ARMC10: variants seen among roughly 807,000 people sequenced by gnomAD.
The protein encoded by ARMC10 is armadillo repeat-containing protein 10.
In ARMC10, 23 loss-of-function variants were observed where a neutral mutation model predicts 30.2. The observed-to-expected ratio is 0.76, with a 90% confidence interval of 0.55 to 1.08. The LOEUF (loss-of-function observed/expected upper bound fraction) is 1.08, where lower values mean the gene tolerates loss of function less well. Among genes scored for constraint, ARMC10 ranks in the 50% least tolerant of loss-of-function variants. The probability of loss-of-function intolerance (pLI) is 0.00; values close to 1 mark genes in which losing one functional copy is unlikely to be tolerated. For missense variants in ARMC10, 303 were observed against 413.7 expected, an observed-to-expected ratio of 0.73 and a Z score of 2.32; for synonymous variants, 111 against 164.4, an observed-to-expected ratio of 0.68 and a Z score of 2.48.
chr7:103,087,895 C>A (rs923868830), intron 4 of ARMC10: 4 of 501,950 alleles, frequency 8.0e-6, no homozygotes, highest in Admixed American at 6.4e-5. Flanking sequence ...CAAAAGCAGA[C>A]CATTCTTAAT....
At chr7:103,079,196 CAG>C (rs1263403937) in intron 2 of ARMC10, among the ~76,000 whole-genome samples, 3 of 151,808 alleles carry the variant, frequency 2.0e-5, no homozygotes, top group African/African-American at 4.8e-5. Flanking sequence ...TCAAATCTAT[CAG>C]GGGATTAAAG....
intron 4 of ARMC10, 56 bp from the exon 5 acceptor site, chr7:103,092,421 T>G: frequency 7.4e-5 from 103 of 1,396,114 alleles, no homozygotes; most frequent in Non-Finnish European, 9.8e-7. Flanking sequence ...AAAGTGGCTG[T>G]TCAGTAGAAA....
intron 3 of ARMC10, 46 bp from the exon 4 acceptor site, chr7:103,086,584 A>G (rs752252428): frequency 1.3e-6 from 2 of 1,559,982 alleles, no homozygotes; most frequent in East Asian, 4.6e-5. Context: ...ACGGAGATGC[A>G]TACTGAAGTC....
chr7:103,083,784 G>A lies in ARMC10; in HGVS notation c.347G>A (p.Arg116Lys). Residue 116 changes from arginine to lysine, a missense_variant, in exon 3 of 7, where the codon AGA becomes AAA. Transcript: ENST00000323716. ...ACGGAGGATCCTGTAATTATTGAAA[G>A]AGCTTTGATTACTTTGGGTAACAAT... Reference protein sequence around the residue: ...ESTEDPVIIERALITLGNNAA... With the variant: ...ESTEDPVIIEKALITLGNNAA... 4 of 1,614,102 alleles carry A rather than the reference G, an allele frequency of 2.5e-6. No homozygotes were observed. Among genetic ancestry groups the A allele is most frequent in the Non-Finnish European group, 2.5e-6 (3 of 1,179,994 alleles).
chr7:103,087,750 T>G, intron 4 of ARMC10: 1 of 983,622 alleles, frequency 1.0e-6, no homozygotes, highest in Non-Finnish European at 1.2e-6. Flanking sequence ...TGTATTTAGT[T>G]TAGATAAAGA....
At position 103,097,264 on chromosome 7, in the gene ARMC10, C is replaced by T. The variant is rs2129524664; in HGVS notation, c.706-13C>T. On this transcript the variant is annotated splice_polypyrimidine_tract_variant and intron_variant, in intron 5 of 6. Transcript: ENST00000323716. ...TTGCCAGTCTGAGATAAGCCAGTAT[C>T]ATCTTCTTTCAGGTGCAAGTTTTGA... is the stretch of plus-strand genomic sequence containing the variant. 6.2e-7 allele frequency: 1 copy of T among 1,609,938 alleles called. No individual in the cohort carries two copies. Among genetic ancestry groups the T allele is most frequent in the Non-Finnish European group, 8.5e-7 (1 of 1,176,276 alleles).
rs141306831 is a variant in ARMC10, at chr7:103,077,150, C to T, written c.244+1269C>T. On this transcript the variant is annotated intron_variant, in intron 2 of 6. Transcript: ENST00000323716. ...AAGCAGTGCTCCTGCCTCAGCATCC[C>T]GAAGTGCTGGAATTACAGGATTGAG... Among the ~76,000 whole-genome samples, 746 of 152,232 alleles carry T rather than the reference C, an allele frequency of 4.9e-3. 6 individuals are homozygous for T. The highest frequency in any genetic ancestry group is 0.017 in the African/African-American group (700 of 41,532).
chr7:103,098,668 A>C lies in ARMC10; in HGVS notation c.*115A>C. 1 of 1,473,666 alleles carries C rather than the reference A, an allele frequency of 6.8e-7. No individual in the cohort carries two copies. The highest frequency in any genetic ancestry group is 9.0e-7 in the Non-Finnish European group (1 of 1,109,264). The allele number at this position is 1,473,666 out of a possible 1,614,324, so 91.3% of individuals were successfully genotyped here. ...TAAACAGTAAATATCACATTTTGTC[A>C]TTAACACAGCTATAACTTGCCGTGG... is the stretch of plus-strand genomic sequence containing the variant. On this transcript the variant is annotated 3_prime_UTR_variant, in exon 7 of 7. Coordinates refer to ENST00000323716, the MANE Select transcript of ARMC10 (RefSeq NM_031905.5).
chr7:103,085,151 T>C (rs1485387179), intron 3 of ARMC10, among the ~76,000 whole-genome samples: 1 of 34,684 alleles, frequency 2.9e-5, no homozygotes, highest in African/African-American at 3.7e-5. Flanking sequence ...TAAAATAAGT[T>C]GTAGTCAGAG....
chr7:103,081,992 A>C, intron 2 of ARMC10: 1 of 450,388 alleles, frequency 2.2e-6, no homozygotes, highest in South Asian at 1.6e-5. Flanking sequence ...CAGATCCTTG[A>C]ACAATCCTGG....
chr7:103,097,433 A>C, intron 6 of ARMC10, 85 bp downstream of exon 6: 1 of 1,013,902 alleles, frequency 9.9e-7, no homozygotes, highest in Admixed American at 1.9e-5. Context: ...TAAGCCTAAA[A>C]TGTTAACAGG....
At position 103,092,734 on chromosome 7, in the gene ARMC10, A is replaced by G. The variant is rs1585778342; in HGVS notation, c.705+81A>G. On this transcript the variant is annotated intron_variant, in intron 5 of 6. Transcript: ENST00000323716. The stretch of plus-strand genomic sequence containing the variant: ...CCTATCTTAAGTTGATGTGCCTCAA[A>G]GAGGAAGATTTATTAAAAACTCACA... 5 of 1,047,078 alleles carry G rather than the reference A, an allele frequency of 4.8e-6. No homozygotes were observed. The African/African-American group carries it at 8.1e-5, about 17-fold the overall frequency. The allele number at this position is 1,047,078 out of a possible 1,614,324, so 64.9% of individuals were successfully genotyped here. A position where few individuals can be genotyped will look rare whatever the true frequency, so the allele number is the denominator to read the frequency against.
intron 3 of ARMC10, among the ~76,000 whole-genome samples, chr7:103,084,273 C>T (rs969496115): frequency 6.6e-6 from 1 of 152,218 alleles, no homozygotes; most frequent in African/African-American, 2.4e-5. Flanking sequence ...CAAATGGAGA[C>T]TTAACACTAA....
chr7:103,083,620 T>G (rs1215328787), intron 2 of ARMC10, 62 bp from the exon 3 acceptor site: 1 of 1,454,126 alleles, frequency 6.9e-7, no homozygotes, highest in Non-Finnish European at 9.5e-7. Context: ...AGTGAGAGCC[T>G]GTTTCAAAAA....
Position 103,075,250 on chromosome 7 carries a change from T to G in ARMC10, c.-23T>G, listed in dbSNP as rs1469219356. On this transcript the variant is annotated 5_prime_UTR_variant, in exon 1 of 7. Coordinates refer to ENST00000323716, the MANE Select transcript of ARMC10 (RefSeq NM_031905.5). ...CGAGCCTCCTGCCCTGGCCCGGCGC[T>G]GCGGCTCTGCCGCGGCGGCAGCATG... The G allele has an allele frequency of 3.4e-6, 4 of 1,177,068 alleles. No homozygotes were observed. Among genetic ancestry groups the G allele is most frequent in the African/African-American group, 1.6e-5 (1 of 62,176 alleles). The allele number at this position is 1,177,068 out of a possible 1,614,324, so 72.9% of individuals were successfully genotyped here.
chr7:103,081,310 A>C (rs1800357705), intron 2 of ARMC10, among the ~76,000 whole-genome samples: 1 of 152,220 alleles, frequency 6.6e-6, no homozygotes, highest in South Asian at 2.1e-4. Context: ...TAGTGATTTA[A>C]TCCCTAGAAA....
At chr7:103,078,263 G>T (rs1388210130) in intron 2 of ARMC10, among the ~76,000 whole-genome samples, 1 of 152,194 alleles carries the variant, frequency 6.6e-6, no homozygotes, top group African/African-American at 2.4e-5. Flanking sequence ...ATCAGCCACT[G>T]TGCCCGGCCC....
chr7:103,090,831 G>A (rs1211530882), intron 4 of ARMC10, among the ~76,000 whole-genome samples: 1 of 152,010 alleles, frequency 6.6e-6, no homozygotes, highest in Non-Finnish European at 1.5e-5. Flanking sequence ...GCAGTGAGCT[G>A]TTATCACACC....
At chr7:103,078,265 G>C (rs1226667389) in intron 2 of ARMC10, among the ~76,000 whole-genome samples, 1 of 152,184 alleles carries the variant, frequency 6.6e-6, no homozygotes, top group African/African-American at 2.4e-5. Flanking sequence ...CAGCCACTGT[G>C]CCCGGCCCAA....
Sources: gnomAD v4.1 joint callset for allele counts (sites outside exome capture counted in the v4.1 genomes callset) on GRCh38, gnomAD v4.1.1 for gene constraint, MANE v1.5 for transcripts, NCBI Gene and HGNC (gene_info 2026-07-23, HGNC 2026-07-21) for gene names.